The following PDILT variants were observed in gnomAD, a reference collection of about 807,000 sequenced individuals.
PDILT encodes protein disulfide isomerase like, testis expressed, also known as protein disulfide-isomerase-like protein of the testis.
PDILT carries 43 observed loss-of-function variants against 53.7 expected under a neutral mutation model. The ratio of observed to expected loss-of-function variants is 0.80; its 90% CI spans 0.63 to 1.03. The LOEUF is 1.03. PDILT is among the 50% of genes least tolerant of loss of function. The pLI, the probability that PDILT is intolerant of heterozygous loss-of-function variation, is 0.00. For missense variants in PDILT, 727 were observed against 712.3 expected (o/e 1.02, Z -0.24); for synonymous variants, 282 against 274.2 (o/e 1.03, Z -0.28).
chr16:20,386,597 T>C (rs1408750465), intron 2 of PDILT, among the ~76,000 whole-genome samples: 2 of 152,196 alleles, frequency 1.3e-5, no homozygotes, highest in East Asian at 3.9e-4. Flanking sequence ...GGAAAGTGAA[T>C]GATCGCTTTC....
At chr16:20,376,564 G>A (rs1245435214) in intron 3 of PDILT, among the ~76,000 whole-genome samples, 2 of 152,210 alleles carry the variant, frequency 1.3e-5, no homozygotes, top group Non-Finnish European at 1.5e-5. Flanking sequence ...ATCAAATTTA[G>A]GAGGAGGCAT....
intron 2 of PDILT, among the ~76,000 whole-genome samples, chr16:20,389,560 T>C (rs539478510): frequency 2.6e-5 from 4 of 152,088 alleles, no homozygotes; most frequent in Non-Finnish European, 5.9e-5. Context: ...CACCAAACCA[T>C]CCACCACAAG....
At chr16:20,379,919 A>G (rs1372293905) in intron 3 of PDILT, among the ~76,000 whole-genome samples, 1 of 152,192 alleles carries the variant, frequency 6.6e-6, no homozygotes, top group Non-Finnish European at 1.5e-5. Flanking sequence ...GTTTCTGTAC[A>G]GTGTTTCCAG....
intron 6 of PDILT, 32 bp downstream of exon 6, chr16:20,372,980 C>G (rs1282235111): frequency 6.2e-7 from 1 of 1,613,548 alleles, no homozygotes; most frequent in Admixed American, 1.7e-5. Flanking sequence ...GGCCCCAGCT[C>G]CCCTTCCTCC....
chr16:20,371,924 C>T (rs1966312646), intron 7 of PDILT, among the ~76,000 whole-genome samples: 2 of 151,990 alleles, frequency 1.3e-5, no homozygotes, highest in African/African-American at 2.4e-5. Flanking sequence ...TGGAATGTAG[C>T]ATGACCATTA....
At chr16:20,392,220 G>C (rs1966613817) in intron 2 of PDILT, among the ~76,000 whole-genome samples, 1 of 152,190 alleles carries the variant, frequency 6.6e-6, no homozygotes, top group African/African-American at 2.4e-5. Context: ...CAACCTTGAG[G>C]TTTCTGACTT....
At position 20,369,495 on chromosome 16, in the gene PDILT, G is replaced by T; in HGVS notation, c.1113C>A (p.Ala371=). 6.2e-7 allele frequency: 1 copy of T among 1,613,496 alleles called. No homozygotes were observed. The highest frequency in any genetic ancestry group is 1.7e-5 in the Admixed American group (1 of 60,018). The change falls in exon 8 of 12, where the codon GCC becomes GCA. Residue 371 remains alanine (A), a synonymous_variant. Coordinates refer to ENST00000302451, the MANE Select transcript of PDILT (RefSeq NM_174924.2). ...CCTTGTCCAAGAAAAAACCTACTGTGGCATTTTTACTCAGGAAGCTGCGGC... is the reference window on the plus strand; with the variant it reads ...CCTTGTCCAAGAAAAAACCTACTGTTGCATTTTTACTCAGGAAGCTGCGGC... ...KFGRSFLSKN[A]TKHQSSEEIP... is the part of the protein sequence containing the mutation.
At chr16:20,399,970 C>G (rs774700178) in intron 1 of PDILT, among the ~76,000 whole-genome samples, 8 of 151,944 alleles carry the variant, frequency 5.3e-5, no homozygotes, top group Non-Finnish European at 1.5e-5. Context: ...TGAATCCTTA[C>G]AGATATTGAA....
intron 1 of PDILT, among the ~76,000 whole-genome samples, chr16:20,400,103 C>A (rs1002403120): frequency 6.7e-6 from 1 of 148,574 alleles, no homozygotes; most frequent in African/African-American, 2.5e-5. Context: ...CTCTTGTCAC[C>A]CAGGCTGGGG....
At position 20,366,954 on chromosome 16, in the gene PDILT, TC is replaced by T. The variant is rs1567320236; in HGVS notation, c.1117-1415del. On this transcript the variant is annotated intron_variant, in intron 8 of 11. Coordinates refer to ENST00000302451, the MANE Select transcript of PDILT (RefSeq NM_174924.2). ...CAAATTCTTTCCTTCCTTCCTTCCT[TC>T]CTTCCTTCCTTCCTTCCTTCCTTCC... Among the ~76,000 whole-genome samples the T allele has an allele frequency of 2.0e-3, 137 of 67,732 alleles. 6 individuals carry two copies. Among genetic ancestry groups the T allele is most frequent in the African/African-American group, 4.7e-3 (132 of 28,046 alleles). 44.4% of individuals were successfully genotyped at this position (67,732 alleles called of 152,430 possible). A position where few individuals can be genotyped will look rare whatever the true frequency, so the allele number is the denominator to read the frequency against.
chr16:20,374,147 C>G (rs75068358), intron 5 of PDILT, among the ~76,000 whole-genome samples: 293 of 151,706 alleles, frequency 1.9e-3, no homozygotes, highest in African/African-American at 6.8e-3. Flanking sequence ...CACTATGCTG[C>G]CCAGGCTGGT....
chr16:20,381,365 G>A (rs905115768), intron 3 of PDILT, among the ~76,000 whole-genome samples: 12 of 152,086 alleles, frequency 7.9e-5, no homozygotes, highest in Middle Eastern at 3.2e-3. Context: ...GGCCGGGTGC[G>A]GTGGCTCACA....
rs912945769 is a variant in PDILT, at chr16:20,392,314, G to A, written c.202+6785C>T. ...GTTGGGACCAAATCAAAGATGCTGA[G>A]GTCTGTCGTGGACATGTGGCAATGT... On this transcript the variant is annotated intron_variant, in intron 2 of 11. Coordinates refer to ENST00000302451, the MANE Select transcript of PDILT (RefSeq NM_174924.2). 5.3e-5 allele frequency among the ~76,000 whole-genome samples: 8 copies of A among 152,286 alleles called. No homozygotes were observed. In the East Asian group the frequency reaches 5.8e-4, roughly 11 times the overall value.
chr16:20,363,316 T>C (rs186253267), intron 9 of PDILT, among the ~76,000 whole-genome samples: 147 of 152,304 alleles, frequency 9.7e-4, no homozygotes, highest in African/African-American at 3.4e-3. Context: ...GACTACAGGC[T>C]TGTGCCACTG....
chr16:20,385,465 A>G (rs1966521628), intron 2 of PDILT, among the ~76,000 whole-genome samples: 1 of 152,232 alleles, frequency 6.6e-6, no homozygotes, highest in African/African-American at 2.4e-5. Context: ...AGTTAAGTAC[A>G]TGCTGCGTTC....
intron 8 of PDILT, 87 bp downstream of exon 8, chr16:20,369,405 G>A: frequency 7.1e-7 from 1 of 1,407,222 alleles, no homozygotes; most frequent in Admixed American, 1.7e-5. Flanking sequence ...TCCACATACA[G>A]GTGAGGAGAA....
intron 2 of PDILT, among the ~76,000 whole-genome samples, chr16:20,387,714 G>A (rs1465077731): frequency 2.6e-5 from 4 of 151,664 alleles, no homozygotes; most frequent in African/African-American, 7.3e-5. Context: ...TCCACCTCCC[G>A]GGTTCAAGTG....
chr16:20,369,400 A>G, intron 8 of PDILT, 92 bp downstream of exon 8: 1 of 1,380,604 alleles, frequency 7.2e-7, no homozygotes. Context: ...CTGCCTCCAC[A>G]TACAGGTGAG....
At chr16:20,403,617 A>G (rs1446661497) in intron 1 of PDILT, among the ~76,000 whole-genome samples, 1 of 151,670 alleles carries the variant, frequency 6.6e-6, no homozygotes, top group Non-Finnish European at 1.5e-5. Context: ...CAGGAATTCC[A>G]TCACACCACT....
Sources: allele counts gnomAD v4.1 joint callset (sites outside exome capture counted in the v4.1 genomes callset), GRCh38; gene constraint gnomAD v4.1.1; transcripts MANE v1.5; gene names NCBI Gene and HGNC (gene_info 2026-07-23, HGNC 2026-07-21).